The following NLGN1 variants were observed in gnomAD, a reference collection of about 807,000 sequenced individuals.
NLGN1 encodes the protein neuroligin 1, also known as neuroligin-1.
Under a neutral mutation model 65.5 loss-of-function variants are expected in NLGN1, and 12 were observed. That is an observed-to-expected ratio of 0.18 (90% CI 0.12 to 0.30). The LOEUF (loss-of-function observed/expected upper bound fraction) is 0.30. Among genes scored for constraint, NLGN1 ranks in the 10% least tolerant of loss-of-function variants. NLGN1 has a pLI of 1.00. For missense variants in NLGN1, 750 were observed against 1,007.1 expected, an observed-to-expected ratio of 0.74 and a Z score of 3.46; for synonymous variants, 350 against 359.5, an observed-to-expected ratio of 0.97 and a Z score of 0.30.
intron 3 of NLGN1, among the ~76,000 whole-genome samples, chr3:173,636,997 G>A (rs1403486450): frequency 6.6e-6 from 1 of 152,114 alleles, no homozygotes; most frequent in Admixed American, 6.6e-5. Flanking sequence ...TGTGCAAAGT[G>A]CAAAGAGAAA....
chr3:173,733,409 C>T (rs1396063024), intron 3 of NLGN1, among the ~76,000 whole-genome samples: 1 of 152,060 alleles, frequency 6.6e-6, no homozygotes, highest in Non-Finnish European at 1.5e-5. Context: ...TTCATTCCTT[C>T]TCTCTTTCCC....
intron 2 of NLGN1, among the ~76,000 whole-genome samples, chr3:173,507,218 G>A (rs1018576251): frequency 4.6e-5 from 7 of 152,012 alleles, no homozygotes; most frequent in African/African-American, 7.2e-5. Flanking sequence ...TTCTGTTCTG[G>A]ACCACACAAA....
At chr3:173,688,552 AG>A (rs1204026439) in intron 3 of NLGN1, among the ~76,000 whole-genome samples, 1 of 152,204 alleles carries the variant, frequency 6.6e-6, no homozygotes, top group African/African-American at 2.4e-5. Context: ...CCATTGAGAG[AG>A]CCCTGTTACT....
At chr3:174,054,326 T>C (rs765254596) in intron 4 of NLGN1, among the ~76,000 whole-genome samples, 6 of 152,106 alleles carry the variant, frequency 3.9e-5, no homozygotes, top group Non-Finnish European at 8.8e-5. Context: ...CAAGTAATTT[T>C]ATTCAAGAAT....
chr3:174,048,370 G>GA (rs1734087823), intron 4 of NLGN1, among the ~76,000 whole-genome samples: 1 of 152,050 alleles, frequency 6.6e-6, no homozygotes, highest in South Asian at 2.1e-4. Context: ...ATTTAGAGAA[G>GA]AAATTATAGT....
At chr3:173,656,326 C>G (rs1760028639) in intron 3 of NLGN1, among the ~76,000 whole-genome samples, 1 of 152,084 alleles carries the variant, frequency 6.6e-6, no homozygotes, top group Admixed American at 6.6e-5. Flanking sequence ...TTAATTAGAG[C>G]TCATAACTAT....
chr3:173,736,482 A>T (rs1308713537), intron 3 of NLGN1, among the ~76,000 whole-genome samples: 1 of 152,084 alleles, frequency 6.6e-6, no homozygotes, highest in East Asian at 1.9e-4. Context: ...TGGAGGGGAA[A>T]TATAAACATA....
chr3:174,186,455 T>G (rs1291253817), intron 4 of NLGN1, among the ~76,000 whole-genome samples: 1 of 152,036 alleles, frequency 6.6e-6, no homozygotes, highest in Non-Finnish European at 1.5e-5. Flanking sequence ...TCAGAACAAA[T>G]TGCAAGAGTT....
At chr3:173,996,237 A>C (rs1382573399) in intron 4 of NLGN1, among the ~76,000 whole-genome samples, 2 of 152,198 alleles carry the variant, frequency 1.3e-5, no homozygotes, top group Non-Finnish European at 2.9e-5. Context: ...GTTAGTCCAC[A>C]TGTTTAAAAT....
intron 4 of NLGN1, among the ~76,000 whole-genome samples, chr3:173,888,970 T>C (rs2150965228): frequency 6.6e-6 from 1 of 152,244 alleles, no homozygotes; most frequent in South Asian, 2.1e-4. Context: ...TTTCTGTTAT[T>C]AGAGTAGAAT....
At chr3:173,768,341 G>A (rs1353623147) in intron 3 of NLGN1, among the ~76,000 whole-genome samples, 1 of 152,128 alleles carries the variant, frequency 6.6e-6, no homozygotes, top group East Asian at 1.9e-4. Context: ...TCAGTTGCTT[G>A]AGATGGTACC....
intron 4 of NLGN1, among the ~76,000 whole-genome samples, chr3:174,121,196 T>G (rs1463882570): frequency 1.3e-5 from 2 of 152,216 alleles, no homozygotes; most frequent in Non-Finnish European, 2.9e-5. Flanking sequence ...TCTGCTGCTT[T>G]GGACTGGTAA....
At chr3:174,090,867 C>T (rs1016309626) in intron 4 of NLGN1, among the ~76,000 whole-genome samples, 50 of 152,126 alleles carry the variant, frequency 3.3e-4, no homozygotes, top group African/African-American at 1.1e-3. Context: ...GAAATGCTGG[C>T]GTCAGGCTTC....
chr3:174,151,032 T>TC (rs200033543), intron 4 of NLGN1, among the ~76,000 whole-genome samples: 1 of 144,886 alleles, frequency 6.9e-6, no homozygotes, highest in African/African-American at 2.6e-5. Context: ...ACTTTTTTTT[T>TC]CCCCCAAGTC....
At chr3:173,934,870 G>A (rs1342810060) in intron 4 of NLGN1, among the ~76,000 whole-genome samples, 2 of 152,042 alleles carry the variant, frequency 1.3e-5, no homozygotes, top group East Asian at 3.9e-4. Flanking sequence ...TCTCTTTAAA[G>A]ACATAATATA....
chr3:173,396,347 C>G (rs901830456), upstream of NLGN1: 3 of 152,242 alleles, frequency 2.0e-5, no homozygotes, highest in African/African-American at 7.2e-5. Flanking sequence ...ATTTGGCTTG[C>G]CAAGTTTTGC....
intron 4 of NLGN1, among the ~76,000 whole-genome samples, chr3:173,931,382 T>A (rs1301000365): frequency 6.6e-6 from 1 of 152,056 alleles, no homozygotes. Flanking sequence ...ACATGGAGGG[T>A]TACAGGGTGG....
chr3:173,829,391 A>G (rs894493512), intron 4 of NLGN1, among the ~76,000 whole-genome samples: 36 of 152,078 alleles, frequency 2.4e-4, no homozygotes, highest in African/African-American at 7.7e-4. Context: ...TTCAGATTTG[A>G]TTTTTTTCCT....
chr3:173,493,872 C>G (rs777696044), intron 2 of NLGN1, among the ~76,000 whole-genome samples: 2 of 151,512 alleles, frequency 1.3e-5, no homozygotes, highest in Non-Finnish European at 2.9e-5. Flanking sequence ...AATTTTTACC[C>G]TTATTTTTGA....
Sources: gnomAD v4.1 joint callset for allele counts (sites outside exome capture counted in the v4.1 genomes callset) on GRCh38, gnomAD v4.1.1 for gene constraint, MANE v1.5 for transcripts, NCBI Gene and HGNC (gene_info 2026-07-23, HGNC 2026-07-21) for gene names.